Variants in AFAP1L2 observed in about 807,000 individuals in gnomAD.
AFAP1L2 encodes the protein actin filament associated protein 1 like 2.
Under a neutral mutation model 99.3 loss-of-function variants are expected in AFAP1L2, and 46 were observed. That is an observed-to-expected ratio of 0.46 (90% confidence interval 0.37 to 0.59). The LOEUF (loss-of-function observed/expected upper bound fraction) is 0.59, where lower values mean the gene tolerates loss of function less well. Among genes scored for constraint, AFAP1L2 ranks in the 20% least tolerant of loss-of-function variants. The pLI is 0.00. For missense variants in AFAP1L2, 959 were observed against 1,034.9 expected, an observed-to-expected ratio of 0.93 and a Z score of 1.01; for synonymous variants, 397 against 419.1, an observed-to-expected ratio of 0.95 and a Z score of 0.64.
intron 5 of AFAP1L2, among the ~76,000 whole-genome samples, chr10:114,320,141 C>G (rs1456423351): frequency 6.6e-6 from 1 of 152,132 alleles, no homozygotes; most frequent in Non-Finnish European, 1.5e-5. Context: ...TTTGTTACAG[C>G]TGCTAGCAGT....
chr10:114,282,465 C>T, the AFAP1L2 span: 1 of 1,434,912 alleles, frequency 7.0e-7, no homozygotes, highest in Non-Finnish European at 9.8e-7. Flanking sequence ...TGTTTTCTGC[C>T]CTCCCCTTAC....
chr10:114,305,973 A>G (rs1350050228), intron 10 of AFAP1L2, among the ~76,000 whole-genome samples: 11 of 41,008 alleles, frequency 2.7e-4, no homozygotes, highest in Non-Finnish European at 4.5e-4. Flanking sequence ...GGGTGCAGGT[A>G]CAGGAGGGGT....
At chr10:114,286,244 G>A in the AFAP1L2 span, 122 of 1,612,908 alleles carry the variant, frequency 7.6e-5, no homozygotes, top group South Asian at 1.2e-4. Context: ...GCGTGGCTTC[G>A]GGAGCGCCAC....
the AFAP1L2 span, chr10:114,285,944 A>G: frequency 1.3e-6 from 2 of 1,592,420 alleles, no homozygotes; most frequent in Non-Finnish European, 1.7e-6. Flanking sequence ...CGCAGCCCTG[A>G]AGCTGAGCCT....
At chr10:114,316,213 T>C (rs988955393) in intron 5 of AFAP1L2, among the ~76,000 whole-genome samples, 10 of 152,182 alleles carry the variant, frequency 6.6e-5, no homozygotes, top group Non-Finnish European at 1.0e-4. Flanking sequence ...TTCCAAGGGC[T>C]CAGGAGGAAG....
intron 1 of AFAP1L2, among the ~76,000 whole-genome samples, chr10:114,355,240 T>C (rs1456244096): frequency 6.8e-6 from 1 of 148,036 alleles, no homozygotes; most frequent in Non-Finnish European, 1.5e-5. Context: ...CAGAAGCCTT[T>C]CTCTTCTCGC....
At chr10:114,389,040 C>T (rs1366718281) in intron 1 of AFAP1L2, among the ~76,000 whole-genome samples, 3 of 152,248 alleles carry the variant, frequency 2.0e-5, no homozygotes, top group East Asian at 1.9e-4. Flanking sequence ...TTCTATGTTC[C>T]GGAAGACTTA....
At chr10:114,345,558 C>T (rs1286021000) in intron 1 of AFAP1L2, among the ~76,000 whole-genome samples, 1 of 152,182 alleles carries the variant, frequency 6.6e-6, no homozygotes, top group Non-Finnish European at 1.5e-5. Context: ...CTCACAACCA[C>T]CCTGCAAGTG....
intron 1 of AFAP1L2, among the ~76,000 whole-genome samples, chr10:114,348,903 G>A (rs994887632): frequency 1.3e-5 from 2 of 152,180 alleles, no homozygotes; most frequent in Non-Finnish European, 2.9e-5. Flanking sequence ...TTTGCTTTAT[G>A]AAGTCTTTTT....
chr10:114,395,411 G>T (rs2057589973), intron 1 of AFAP1L2, among the ~76,000 whole-genome samples: 1 of 152,154 alleles, frequency 6.6e-6, no homozygotes, highest in South Asian at 2.1e-4. Flanking sequence ...GGGACACGAA[G>T]CACCCTAGAA....
At chr10:114,374,492 T>C (rs376109322) in intron 1 of AFAP1L2, among the ~76,000 whole-genome samples, 15 of 152,178 alleles carry the variant, frequency 9.9e-5, no homozygotes, top group Non-Finnish European at 1.8e-4. Context: ...AGACTCCCCT[T>C]CCCCAGCCCT....
At chr10:114,330,900 T>C (rs1390709462) in intron 4 of AFAP1L2, among the ~76,000 whole-genome samples, 1 of 152,158 alleles carries the variant, frequency 6.6e-6, no homozygotes, top group Non-Finnish European at 1.5e-5. Context: ...AACTGGGTGG[T>C]GGGTAGATAG....
chr10:114,336,902 CAA>C (rs35920070), intron 2 of AFAP1L2, among the ~76,000 whole-genome samples: 1 of 152,198 alleles, frequency 6.6e-6, no homozygotes, highest in East Asian at 1.9e-4. Context: ...TCAGAAAACT[CAA>C]AGAGGCAATT....
At chr10:114,367,516 C>T (rs1014455089) in intron 1 of AFAP1L2, among the ~76,000 whole-genome samples, 1 of 152,152 alleles carries the variant, frequency 6.6e-6, no homozygotes, top group African/African-American at 2.4e-5. Flanking sequence ...TGGGCAAGAG[C>T]TAAATGTGAA....
At chr10:114,398,842 C>A in intron 1 of AFAP1L2, 1 of 1,304,302 alleles carries the variant, frequency 7.7e-7, no homozygotes, top group African/African-American at 1.5e-5. Flanking sequence ...CAGACAGGCT[C>A]ATACTCACAC....
At chr10:114,367,134 T>G (rs2053394424) in intron 1 of AFAP1L2, among the ~76,000 whole-genome samples, 1 of 152,150 alleles carries the variant, frequency 6.6e-6, no homozygotes, top group African/African-American at 2.4e-5. Context: ...GGCTAACACA[T>G]CGCTTACTGG....
chr10:114,332,000 T>C (rs113725207), intron 3 of AFAP1L2, 103 bp from the exon 4 acceptor site: 1 of 746,908 alleles, frequency 1.3e-6, no homozygotes. Flanking sequence ...TGAGTTCTTT[T>C]TGAGCAGGTG....
At chr10:114,289,495 T>C in the AFAP1L2 span, 527 of 1,613,654 alleles carry the variant, frequency 3.3e-4, no homozygotes, top group Middle Eastern at 4.9e-4. Flanking sequence ...TGGAGGTGAG[T>C]GGGGGAATCC....
At chr10:114,285,056 G>T in the AFAP1L2 span, 2 of 1,135,124 alleles carry the variant, frequency 1.8e-6, no homozygotes, top group Non-Finnish European at 2.4e-6. Context: ...CCTTCCAGCT[G>T]CTGGGTAGAA....
Sources: gnomAD v4.1 joint callset for allele counts (sites outside exome capture counted in the v4.1 genomes callset) on GRCh38, gnomAD v4.1.1 for gene constraint, MANE v1.5 for transcripts, NCBI Gene and HGNC (gene_info 2026-07-23, HGNC 2026-07-21) for gene names.